DHX16: variants seen among roughly 807,000 people sequenced by gnomAD.
DHX16 encodes the protein DEAH-box helicase 16.
Under a neutral mutation model 131.2 loss-of-function variants are expected in DHX16, and 81 were observed. That is an observed-to-expected ratio of 0.62 (90% confidence interval 0.52 to 0.74). DHX16 has a LOEUF of 0.74. Among genes scored for constraint, DHX16 ranks in the 30% least tolerant of loss-of-function variants. The pLI is 0.00. For synonymous variants in DHX16, 440 were observed against 520.2 expected (o/e 0.85, Z 2.10); for missense variants, 980 against 1,363.1 (o/e 0.72, Z 4.43).
chr6:30,653,956 C>T (rs1045289382), intron 19 of DHX16, among the ~76,000 whole-genome samples: 2 of 151,730 alleles, frequency 1.3e-5, no homozygotes, highest in African/African-American at 4.8e-5. Context: ...CCAGTCTCTA[C>T]TAAAAATATA....
At position 30,656,548 on chromosome 6, in the gene DHX16, A is replaced by G. The variant is rs753185019; in HGVS notation, c.2312-39T>C. The G allele has an allele frequency of 1.2e-6, 2 of 1,614,102 alleles. No homozygotes were observed. The highest frequency in any genetic ancestry group is 3.3e-5 in the Admixed American group (2 of 60,020). On this transcript the variant is annotated intron_variant, in intron 14 of 19. Transcript: ENST00000376442. This position sits in a 1 kb window ranked among gnomAD's most constrained non-coding sequence, Gnocchi z 5.1. ...TGATGGATGGAACAGAGTCCCTTCA[A>G]AGGACAGTGACTCCAGCCCCTCCCT...
chr6:30,653,521 C>T, intron 19 of DHX16, 151 bp from the exon 20 acceptor site: 1 of 739,566 alleles, frequency 1.4e-6, no homozygotes, highest in Non-Finnish European at 2.0e-6. Context: ...AGTCCTACTG[C>T]CTCAGCCTCC....
In DHX16 at chr6:30,654,850, C is replaced by T. The variant is rs751486892; in HGVS notation, c.2853G>A (p.Thr951=). 4.3e-6 allele frequency: 7 copies of T among 1,612,816 alleles called. No individual in the cohort carries two copies. The highest frequency in any genetic ancestry group is 2.2e-5 in the East Asian group (1 of 44,882). The stretch of plus-strand genomic sequence containing the variant: ...GGTAGCCACTCCGAGTCAACCGTGC[C>T]GTGTGGTAAAAGTAACCAGCAGTGA... ...KAITAGYFYH[T]ARLTRSGYRT... Residue 951 remains threonine (T), a synonymous_variant, in exon 19 of 20, where the codon ACG becomes ACA. Coordinates refer to ENST00000376442, the MANE Select transcript of DHX16 (RefSeq NM_003587.5).
Position 30,660,268 on chromosome 6 carries a change from AG to A in DHX16, c.1545-27del. ...CTGGGGAGGGAATAGGAGAGCAATG[AG>A]GGAAGAGCGCTAGGCAATGCAGTAT... On this transcript the variant is annotated intron_variant, in intron 9 of 19. Coordinates refer to ENST00000376442, the MANE Select transcript of DHX16 (RefSeq NM_003587.5). The A allele has an allele frequency of 2.0e-6, 3 of 1,510,570 alleles. No homozygotes were observed. In the South Asian group the frequency reaches 4.0e-5, roughly 20 times the overall value. 93.6% of individuals were successfully genotyped at this position (1,510,570 alleles called of 1,614,324 possible).
Position 30,662,906 on chromosome 6 carries a change from C to T in DHX16, c.1428+5G>A. ...CTCTACCCCCCGGTTCCCTAGAAAT[C>T]TCACCTCATTCCCAAGCTTCACACC... On this transcript the variant is annotated splice_donor_5th_base_variant and intron_variant, in intron 8 of 19. Coordinates refer to ENST00000376442, the MANE Select transcript of DHX16 (RefSeq NM_003587.5). This position sits in a 1 kb window ranked among gnomAD's most constrained non-coding sequence, Gnocchi z 4.7. The T allele has an allele frequency of 6.2e-7, 1 of 1,612,558 alleles. No homozygotes were observed. Among genetic ancestry groups the T allele is most frequent in the Non-Finnish European group, 8.5e-7 (1 of 1,179,726 alleles).
chr6:30,653,219 C>T lies in DHX16; in HGVS notation c.*23G>A. ...GTATAGAAGGAAAAGGAGCTGGTGT[C>T]AGGTTCTGTTTACGTCCTTCTCTTA... On this transcript the variant is annotated 3_prime_UTR_variant, in exon 20 of 20. Transcript: ENST00000376442. The T allele has an allele frequency of 6.2e-7, 1 of 1,604,860 alleles. No individual in the cohort carries two copies. Among genetic ancestry groups the T allele is most frequent in the Non-Finnish European group, 8.5e-7 (1 of 1,177,690 alleles).
chr6:30,654,833 C>T lies in DHX16; in HGVS notation c.2870G>A (p.Ser957Asn). 4 of 1,613,086 alleles carry T rather than the reference C, an allele frequency of 2.5e-6. No individual in the cohort carries two copies. In the African/African-American group the frequency reaches 5.3e-5, roughly 21 times the overall value. ...YFYHTARLTR[S>N]GYRTVKQQQT... ...CTGCTGTTTCACTGTGCGGTAGCCA[C>T]TCCGAGTCAACCGTGCCGTGTGGTA... Residue 957 changes from serine (S) to asparagine (N), a missense_variant, in exon 19 of 20, where the codon AGT (serine) becomes AAT (asparagine). By Grantham distance (46) the Ser-to-Asn change is conservative. Around this residue, in one of 3 missense-constraint regions of DHX16, gnomAD observed 214 missense variants for 271.2 expected, o/e 0.79. Coordinates refer to ENST00000376442, the MANE Select transcript of DHX16 (RefSeq NM_003587.5).
rs767238773 is a variant in DHX16 at position 30,655,270 on chromosome 6, G to A, written c.2728C>T (p.Arg910Ter). The A allele has an allele frequency of 6.2e-6, 10 of 1,614,034 alleles. No individual in the cohort carries two copies. The highest frequency in any genetic ancestry group is 2.2e-5 in the East Asian group (1 of 44,892). Residue 910 changes from arginine (R) to a stop codon, truncating the protein, a stop_gained, in exon 18 of 20, where the codon CGA becomes TGA. Transcript: ENST00000376442. LOFTEE classifies it high-confidence loss of function. ...AGCTGTTCCCGCACATCCCGGGCTCGGCGCATCGATCTGAACTGTACAAAG... is the reference window on the plus strand; with the variant it reads ...AGCTGTTCCCGCACATCCCGGGCTCAGCGCATCGATCTGAACTGTACAAAG... Reference protein sequence around the residue: ...ENFVQFRSMRRARDVREQLEG... With the variant: ...ENFVQFRSMR
intron 19 of DHX16, among the ~76,000 whole-genome samples, chr6:30,653,749 C>G (rs1157370745): frequency 7.0e-6 from 1 of 142,834 alleles, no homozygotes; most frequent in African/African-American, 2.6e-5. Context: ...AGGTGCCTGG[C>G]TCTATTATTA....
Position 30,655,295 on chromosome 6 carries a change from G to C in DHX16, c.2703C>G (p.Asn901Lys). The C allele has an allele frequency of 6.2e-7, 1 of 1,614,172 alleles. No individual in the cohort carries two copies. Among genetic ancestry groups the C allele is most frequent in the Non-Finnish European group, 8.5e-7 (1 of 1,180,038 alleles). ...SGYSSQWCYE[N>K]FVQFRSMRRA... is the part of the protein sequence containing the mutation. ...GGCGCATCGATCTGAACTGTACAAA[G>C]TTCTCATAGCACCACTGGGAAGAGT... Residue 901 changes from asparagine (N) to lysine (K), a missense_variant, in exon 18 of 20, where the codon AAC becomes AAG. Transcript: ENST00000376442.
At chr6:30,661,921 T>C (rs45500594) in intron 9 of DHX16, 1 of 714,836 alleles carries the variant, frequency 1.4e-6, no homozygotes, top group Non-Finnish European at 2.6e-6. Context: ...ATTGCTCCAC[T>C]GTGATCTTCC....
rs547406641 is a variant in DHX16 at position 30,668,579 on chromosome 6, A to C, written c.666+1831T>G. 2.0e-5 allele frequency among the ~76,000 whole-genome samples: 3 copies of C among 152,022 alleles called. No homozygotes were observed. The East Asian group carries it at 5.8e-4, about 29-fold the overall frequency. On this transcript the variant is annotated intron_variant, in intron 4 of 19. Transcript: ENST00000376442. ...GGCAGGAGAATCACTTGAACCCGGG[A>C]GGCGGAGGTTGCAGTGAGCCGAGAT...
chr6:30,664,708 G>T, intron 7 of DHX16, 93 bp downstream of exon 7: 1 of 1,136,362 alleles, frequency 8.8e-7, no homozygotes, highest in South Asian at 1.5e-5. Context: ...ATAGGTAAGT[G>T]ACTACTAAAA....
intron 18 of DHX16, 38 bp downstream of exon 18, chr6:30,655,137 A>G (rs1244391865): frequency 6.2e-7 from 1 of 1,613,086 alleles, no homozygotes; most frequent in Non-Finnish European, 8.5e-7. Context: ...CTGGGAAGGT[A>G]CTGGGGGTGG....
intron 9 of DHX16, chr6:30,660,598 C>T: frequency 4.5e-6 from 1 of 221,586 alleles, no homozygotes; most frequent in Non-Finnish European, 8.8e-6. Context: ...ATGTTTTAGG[C>T]TGGGCATGGT....
Position 30,665,217 on chromosome 6 carries a change from G to A in DHX16, c.979C>T (p.Arg327Trp), listed in dbSNP as rs773652903. ...CCAAGCCGCGCCTCCTCCCAGCGCC[G>A]CTGCTCCTCCCCAGGGGCTCCTGAT... is the stretch of plus-strand genomic sequence containing the variant. ...EESGAPGEEQ[R>W]RWEEARLGAA... The change falls in exon 6 of 20, where the codon CGG becomes TGG. Residue 327 changes from arginine (R) to tryptophan (W), a missense_variant. Physicochemically the swap from Arg to Trp is moderately radical, Grantham distance 101. Coordinates refer to ENST00000376442, the MANE Select transcript of DHX16 (RefSeq NM_003587.5). The surrounding 1 kb of genome is among the most constrained non-coding windows in gnomAD (Gnocchi z 4.8). 6.8e-6 allele frequency: 11 copies of A among 1,607,062 alleles called. No homozygotes were observed. The highest frequency in any genetic ancestry group is 8.5e-6 in the Non-Finnish European group (10 of 1,179,732).
intron 9 of DHX16, among the ~76,000 whole-genome samples, chr6:30,660,859 G>A (rs1323046298): frequency 1.3e-5 from 2 of 151,836 alleles, no homozygotes; most frequent in African/African-American, 2.4e-5. Context: ...TCCAGCCTGG[G>A]TGACAGAGCG....
chr6:30,660,031 C>T lies in DHX16; in HGVS notation c.1755+1G>A. ...TAAGCCCATCCTCCCTGAGGGGGCA[C>T]CTTGGTGTAGAAGATGTCCACAGGA... On this transcript the variant is annotated splice_donor_variant, in intron 10 of 19. Transcript: ENST00000376442. LOFTEE classifies it high-confidence loss of function. 1 of 1,612,368 alleles carries T rather than the reference C, an allele frequency of 6.2e-7. No homozygotes were observed. Among genetic ancestry groups the T allele is most frequent in the Non-Finnish European group, 8.5e-7 (1 of 1,179,512 alleles).
rs756363044 is a variant in DHX16 at position 30,654,713 on chromosome 6, A to G, written c.2990T>C (p.Met997Thr). ...HELVLTTKEF[M>T]RQVLEIESSW... ...ACAGGATGTTCTCCTCACCTGTCTCATGAACTCTTTGGTGGTCAAGACAAG... is the reference window on the plus strand; with the variant it reads ...ACAGGATGTTCTCCTCACCTGTCTCGTGAACTCTTTGGTGGTCAAGACAAG... The change falls in exon 19 of 20, where the codon ATG (methionine) becomes ACG (threonine). Residue 997 changes from methionine (M) to threonine (T), a missense_variant. Met to Thr is a moderately conservative substitution (Grantham distance 81). Around this residue, in one of 3 missense-constraint regions of DHX16, gnomAD observed 214 missense variants for 271.2 expected, o/e 0.79. Transcript: ENST00000376442. The G allele has an allele frequency of 3.7e-6, 6 of 1,612,086 alleles. No homozygotes were observed. Among genetic ancestry groups the G allele is most frequent in the Middle Eastern group, 1.7e-4 (1 of 6,038 alleles).
Sources: gnomAD v4.1 joint callset for allele counts (sites outside exome capture counted in the v4.1 genomes callset) on GRCh38, gnomAD v4.1.1 for gene constraint, gnomAD v4.1.1 regional missense constraint, Gnocchi (gnomAD v3.1) non-coding constraint, MANE v1.5 for transcripts, NCBI Gene and HGNC (gene_info 2026-07-23, HGNC 2026-07-21) for gene names.